Variants in TRIQK observed in about 807,000 individuals in gnomAD.
TRIQK encodes the protein triple QxxK/R motif containing.
Under a neutral mutation model 10.8 loss-of-function variants are expected in TRIQK, and 10 were observed. The observed-to-expected ratio is 0.92, with a 90% CI of 0.57 to 1.57. TRIQK has a LOEUF of 1.57. TRIQK is among the 40% of genes most tolerant of loss of function. The probability of loss-of-function intolerance (pLI) is 0.00; values close to 1 mark genes in which losing one functional copy is unlikely to be tolerated. For missense variants in TRIQK, 107 were observed against 97.7 expected, an observed-to-expected ratio of 1.09 and a Z score of -0.40; for synonymous variants, 33 against 33.7, an observed-to-expected ratio of 0.98 and a Z score of 0.07.
chr8:92,931,671 C>T (rs1419775224), intron 2 of TRIQK, among the ~76,000 whole-genome samples: 1 of 152,170 alleles, frequency 6.6e-6, no homozygotes, highest in African/African-American at 2.4e-5. Flanking sequence ...AAGGAATATC[C>T]TGTCATCAGA....
intron 1 of TRIQK, among the ~76,000 whole-genome samples, chr8:93,012,436 C>A (rs1439752012): frequency 6.6e-6 from 1 of 151,962 alleles, no homozygotes; most frequent in African/African-American, 2.4e-5. Context: ...ATATGTAGAT[C>A]CAGCGTTTTC....
chr8:93,000,847 A>C (rs73311480), intron 1 of TRIQK, among the ~76,000 whole-genome samples: 1 of 148,388 alleles, frequency 6.7e-6, no homozygotes, highest in Non-Finnish European at 1.5e-5. Context: ...AATTCAAAAC[A>C]TAGCACTACA....
chr8:92,890,435 C>A (rs1207244509), intron 4 of TRIQK, among the ~76,000 whole-genome samples: 1 of 151,726 alleles, frequency 6.6e-6, no homozygotes, highest in South Asian at 2.1e-4. Context: ...TAAATAAAAT[C>A]TAAGAAAAAT....
chr8:92,959,800 A>G (rs1006602802), intron 1 of TRIQK, among the ~76,000 whole-genome samples: 1 of 152,116 alleles, frequency 6.6e-6, no homozygotes, highest in Non-Finnish European at 1.5e-5. Context: ...TTGAAAAACC[A>G]TAAGTCAAAC....
chr8:92,962,833 C>T (rs146883117), intron 1 of TRIQK, among the ~76,000 whole-genome samples: 81 of 152,276 alleles, frequency 5.3e-4, no homozygotes, highest in Non-Finnish European at 1.0e-3. Context: ...GTATCTGTTC[C>T]GCAATCTGAA....
chr8:92,919,279 A>G (rs1032051804), intron 2 of TRIQK, among the ~76,000 whole-genome samples: 2 of 151,896 alleles, frequency 1.3e-5, no homozygotes, highest in Non-Finnish European at 2.9e-5. Context: ...GTATTTTGAT[A>G]GAGATTGCAT....
At chr8:92,961,826 A>C (rs188762353) in intron 1 of TRIQK, among the ~76,000 whole-genome samples, 24 of 152,222 alleles carry the variant, frequency 1.6e-4, no homozygotes, top group African/African-American at 5.8e-4. Flanking sequence ...TCACTAAATA[A>C]TACTACTACA....
intron 1 of TRIQK, among the ~76,000 whole-genome samples, chr8:93,010,999 C>T (rs922732594): frequency 6.6e-6 from 1 of 152,078 alleles, no homozygotes; most frequent in Admixed American, 6.6e-5. Context: ...CACTTTGAAG[C>T]ATGTCAGCTA....
chr8:92,933,989 T>C (rs1427712926), intron 2 of TRIQK, among the ~76,000 whole-genome samples: 1 of 152,070 alleles, frequency 6.6e-6, no homozygotes, highest in Middle Eastern at 3.2e-3. Flanking sequence ...AATCCTTAAG[T>C]GACTAGGGAA....
chr8:92,932,188 G>A (rs989419825), intron 2 of TRIQK, among the ~76,000 whole-genome samples: 3 of 151,830 alleles, frequency 2.0e-5, no homozygotes, highest in Admixed American at 6.6e-5. Flanking sequence ...TTGTGTTCCC[G>A]TGTTCCCCAT....
chr8:92,946,957 G>T (rs1312838926), intron 2 of TRIQK, among the ~76,000 whole-genome samples: 1 of 151,154 alleles, frequency 6.6e-6, no homozygotes, highest in Non-Finnish European at 1.5e-5. Flanking sequence ...AGTAGAGATG[G>T]GGTTTCACCG....
intron 2 of TRIQK, among the ~76,000 whole-genome samples, chr8:92,951,199 T>C (rs1811884080): frequency 6.6e-6 from 1 of 152,002 alleles, no homozygotes; most frequent in Non-Finnish European, 1.5e-5. Flanking sequence ...ACCCTTGATA[T>C]GGAGGGCCAA....
chr8:92,996,176 C>A (rs1001103366), intron 1 of TRIQK, among the ~76,000 whole-genome samples: 3 of 152,070 alleles, frequency 2.0e-5, no homozygotes, highest in Non-Finnish European at 2.9e-5. Context: ...AATCTAAACT[C>A]TTTTTTGTGG....
At chr8:92,994,332 A>G (rs182344510) in intron 1 of TRIQK, among the ~76,000 whole-genome samples, 3 of 151,234 alleles carry the variant, frequency 2.0e-5, no homozygotes, top group Non-Finnish European at 4.4e-5. Flanking sequence ...ATATATCCCT[A>G]GTGTCTATCT....
At chr8:92,898,831 GTGTATATA>G (rs1218562256) in intron 3 of TRIQK, among the ~76,000 whole-genome samples, 3 of 66,870 alleles carry the variant, frequency 4.5e-5, no homozygotes, top group Admixed American at 2.1e-4. Context: ...AGGTGTGTGT[GTGTATATA>G]TATATATATA....
At chr8:92,887,514 G>C (rs1816549191) in intron 4 of TRIQK, among the ~76,000 whole-genome samples, 1 of 151,044 alleles carries the variant, frequency 6.6e-6, no homozygotes, top group African/African-American at 2.4e-5. Flanking sequence ...ATATATCTCT[G>C]TGTGTATACC....
At chr8:92,897,851 G>A (rs1474964003) in intron 3 of TRIQK, among the ~76,000 whole-genome samples, 1 of 152,018 alleles carries the variant, frequency 6.6e-6, no homozygotes, top group African/African-American at 2.4e-5. Context: ...ACATCTCCAT[G>A]CTACAACAGA....
At position 92,883,985 on chromosome 8, in the gene TRIQK, A is replaced by G. The variant is rs1816339537; in HGVS notation, c.*2637T>C. On this transcript the variant is annotated 3_prime_UTR_variant, in exon 5 of 5. Coordinates refer to ENST00000521988, the MANE Select transcript of TRIQK (RefSeq NM_001171797.2). ...AGAACCAGCAAGCCTTCAAACTTCA[A>G]TCACAGTATTCCATAGGCTATATTT... is the stretch of plus-strand genomic sequence containing the variant. 1 of 151,838 alleles carries G rather than the reference A, an allele frequency of 6.6e-6. No homozygotes were observed. Among genetic ancestry groups the G allele is most frequent in the African/African-American group, 2.4e-5 (1 of 41,410 alleles). 9.4% of individuals were successfully genotyped at this position (151,838 alleles called of 1,614,324 possible). A position where few individuals can be genotyped will look rare whatever the true frequency, so the allele number is the denominator to read the frequency against.
At chr8:92,998,893 G>A (rs1487947074) in intron 1 of TRIQK, among the ~76,000 whole-genome samples, 1 of 152,024 alleles carries the variant, frequency 6.6e-6, no homozygotes, top group Non-Finnish European at 1.5e-5. Flanking sequence ...CAGAGGTTAG[G>A]GAATGATTTA....
Sources: allele counts gnomAD v4.1 joint callset (sites outside exome capture counted in the v4.1 genomes callset), GRCh38; gene constraint gnomAD v4.1.1; transcripts MANE v1.5; gene names NCBI Gene and HGNC (gene_info 2026-07-23, HGNC 2026-07-21).